NEK7: variants seen among roughly 807,000 people sequenced by gnomAD.
NEK7 encodes NIMA related kinase 7, also known as serine/threonine-protein kinase Nek7.
Under a neutral mutation model 44.6 loss-of-function variants are expected in NEK7, and 18 were observed. The ratio of observed to expected loss-of-function variants is 0.40; its 90% CI spans 0.28 to 0.60. The LOEUF (loss-of-function observed/expected upper bound fraction) is 0.60. NEK7 is among the 20% of genes least tolerant of loss of function. The pLI, the probability that NEK7 is intolerant of heterozygous loss-of-function variation, is 0.38. For synonymous variants in NEK7, 130 were observed against 121.1 expected (o/e 1.07, Z -0.48); for missense variants, 256 against 366.5 (o/e 0.70, Z 2.46).
chr1:198,291,600 T>C (rs889122929), intron 7 of NEK7, among the ~76,000 whole-genome samples: 2 of 152,184 alleles, frequency 1.3e-5, no homozygotes, highest in Non-Finnish European at 2.9e-5. Flanking sequence ...ATATTAATAG[T>C]TCGTATTTTA....
At chr1:198,158,671 G>T (rs756756571) in intron 1 of NEK7, among the ~76,000 whole-genome samples, 1 of 152,200 alleles carries the variant, frequency 6.6e-6, no homozygotes, top group Non-Finnish European at 1.5e-5. Flanking sequence ...ATGCTTTGTG[G>T]CAACTCTTGT....
At chr1:198,195,978 A>C (rs943621063) in intron 1 of NEK7, among the ~76,000 whole-genome samples, 8 of 152,216 alleles carry the variant, frequency 5.3e-5, no homozygotes, top group Non-Finnish European at 1.2e-4. Context: ...GGTTATCTAT[A>C]AATATATCTT....
chr1:198,253,287 A>T (rs1213971237), intron 3 of NEK7, 107 bp downstream of exon 3: 1 of 686,648 alleles, frequency 1.5e-6, no homozygotes, highest in Non-Finnish European at 2.3e-6. Context: ...TAAGTTGAGA[A>T]TGCTGGGAAA....
chr1:198,251,550 CAG>C (rs1558078446), intron 2 of NEK7, among the ~76,000 whole-genome samples: 2 of 152,044 alleles, frequency 1.3e-5, no homozygotes, highest in Non-Finnish European at 2.9e-5. Context: ...GCCACAATTT[CAG>C]AGCTGTTATT....
chr1:198,236,402 T>G (rs1666546181), intron 2 of NEK7, among the ~76,000 whole-genome samples: 1 of 152,174 alleles, frequency 6.6e-6, no homozygotes, highest in South Asian at 2.1e-4. Context: ...GTAGCTTTTT[T>G]GAGGAAAGAA....
At chr1:198,250,883 G>A (rs1398477482) in intron 2 of NEK7, among the ~76,000 whole-genome samples, 1 of 151,786 alleles carries the variant, frequency 6.6e-6, no homozygotes, top group African/African-American at 2.4e-5. Context: ...TCCTTCTCCT[G>A]CCTAATTGCC....
At chr1:198,297,354 C>T (rs1654742999) in intron 9 of NEK7, 114 bp downstream of exon 9, 1 of 1,290,542 alleles carries the variant, frequency 7.7e-7, no homozygotes, top group African/African-American at 1.5e-5. Flanking sequence ...GGTAGCAGAA[C>T]TAGCACTTTT....
At chr1:198,302,160 T>TA (rs1228088570) in intron 9 of NEK7, among the ~76,000 whole-genome samples, 3 of 152,178 alleles carry the variant, frequency 2.0e-5, no homozygotes, top group East Asian at 3.9e-4. Flanking sequence ...ATTTGTTTTT[T>TA]AAAAAGATCA....
At position 198,236,359 on chromosome 1, in the gene NEK7, T is replaced by C. The variant is rs560725298; in HGVS notation, c.57+3722T>C. 2.7e-5 allele frequency among the ~76,000 whole-genome samples: 4 copies of C among 148,874 alleles called. No homozygotes were observed. In the East Asian group the frequency reaches 8.5e-4, roughly 32 times the overall value. On this transcript the variant is annotated intron_variant, in intron 2 of 9. Coordinates refer to ENST00000367385, the MANE Select transcript of NEK7 (RefSeq NM_133494.3). ...ATTCTCCTAGTAACAGTTTCCTTCATTGAATAACTTTATTGATGGTACAGA... is the reference window on the plus strand; with the variant it reads ...ATTCTCCTAGTAACAGTTTCCTTCACTGAATAACTTTATTGATGGTACAGA...
intron 1 of NEK7, among the ~76,000 whole-genome samples, chr1:198,215,776 A>G (rs1665900887): frequency 6.6e-6 from 1 of 150,554 alleles, no homozygotes; most frequent in African/African-American, 2.5e-5. Flanking sequence ...ATCAGATAAA[A>G]CTGTCTTTAA....
At chr1:198,318,619 C>G (rs1655443726) in intron 9 of NEK7, among the ~76,000 whole-genome samples, 1 of 152,024 alleles carries the variant, frequency 6.6e-6, no homozygotes, top group Admixed American at 6.6e-5. Context: ...AGTTTATTGT[C>G]TATGAAGATC....
chr1:198,197,928 C>T (rs975206363), intron 1 of NEK7: 2 of 1,444,898 alleles, frequency 1.4e-6, no homozygotes. Flanking sequence ...AAGGGATTCA[C>T]AGGAGGCATC....
chr1:198,247,902 T>A (rs918302964), intron 2 of NEK7, among the ~76,000 whole-genome samples: 1 of 152,208 alleles, frequency 6.6e-6, no homozygotes, highest in African/African-American at 2.4e-5. Flanking sequence ...GGATATGGGA[T>A]CATCAGCCTT....
chr1:198,165,261 C>T (rs1262457265), intron 1 of NEK7, among the ~76,000 whole-genome samples: 6 of 152,194 alleles, frequency 3.9e-5, no homozygotes, highest in Admixed American at 3.3e-4. Context: ...GAATGACAAT[C>T]GTTTTTAATG....
chr1:198,215,164 A>G (rs1350895736), intron 1 of NEK7, among the ~76,000 whole-genome samples: 1 of 150,978 alleles, frequency 6.6e-6, no homozygotes, highest in Non-Finnish European at 1.5e-5. Context: ...CATACAAGAA[A>G]TTCTAAAAGG....
intron 9 of NEK7, among the ~76,000 whole-genome samples, chr1:198,297,749 C>T (rs752118961): frequency 1.3e-5 from 2 of 152,198 alleles, no homozygotes; most frequent in African/African-American, 2.4e-5. Context: ...TACCTTCTCT[C>T]CTTTGACAAT....
Position 198,214,166 on chromosome 1 carries a change from A to G in NEK7, c.-28-18387A>G, listed in dbSNP as rs535195002. On this transcript the variant is annotated intron_variant, in intron 1 of 9. Coordinates refer to ENST00000367385, the MANE Select transcript of NEK7 (RefSeq NM_133494.3). ...AATAAAGTCACATCCTCAAGGGGGA[A>G]ATAAAACCCAGTTGAATAAAAAATA... is the stretch of plus-strand genomic sequence containing the variant. Among the ~76,000 whole-genome samples, 5 of 152,354 alleles carry G rather than the reference A, an allele frequency of 3.3e-5. No individual in the cohort carries two copies. The South Asian group carries it at 1.0e-3, about 32-fold the overall frequency.
At chr1:198,314,670 A>C (rs944184807) in intron 9 of NEK7, among the ~76,000 whole-genome samples, 2 of 152,012 alleles carry the variant, frequency 1.3e-5, no homozygotes, top group Non-Finnish European at 2.9e-5. Flanking sequence ...CCTCAGCTGC[A>C]AGTCTGTTTG....
intron 2 of NEK7, among the ~76,000 whole-genome samples, chr1:198,234,793 C>T (rs1399349031): frequency 6.6e-6 from 1 of 152,152 alleles, no homozygotes; most frequent in African/African-American, 2.4e-5. Context: ...CAAGTGTCGT[C>T]CCAGGTTCTA....
Sources: allele counts gnomAD v4.1 joint callset (sites outside exome capture counted in the v4.1 genomes callset), GRCh38; gene constraint gnomAD v4.1.1; transcripts MANE v1.5; gene names NCBI Gene and HGNC (gene_info 2026-07-23, HGNC 2026-07-21).